Variants in PAN3 observed in about 807,000 individuals in gnomAD.
The protein encoded by PAN3 is PAN2-PAN3 deadenylation complex subunit PAN3.
Under a neutral mutation model 96.2 loss-of-function variants are expected in PAN3, and 19 were observed. That is an observed-to-expected ratio of 0.20 (90% CI 0.14 to 0.29). The LOEUF (loss-of-function observed/expected upper bound fraction) is 0.29. Ranked by LOEUF, PAN3 falls within the 10% of genes least tolerant of loss-of-function variation. The pLI, the probability that PAN3 is intolerant of heterozygous loss-of-function variation, is 1.00. For synonymous variants in PAN3, 433 were observed against 406.6 expected, an observed-to-expected ratio of 1.06 and a Z score of -0.78; for missense variants, 882 against 1,108.1, an observed-to-expected ratio of 0.80 and a Z score of 2.90.
intron 1 of PAN3, among the ~76,000 whole-genome samples, chr13:28,151,447 G>A (rs951659841): frequency 3.3e-5 from 5 of 151,932 alleles, no homozygotes; most frequent in African/African-American, 4.8e-5. Flanking sequence ...CCTGGGAGTC[G>A]GAGCTTGCAG....
intron 6 of PAN3, among the ~76,000 whole-genome samples, chr13:28,231,401 A>C (rs1882541704): frequency 6.6e-6 from 1 of 152,222 alleles, no homozygotes; most frequent in Admixed American, 6.5e-5. Context: ...GATAAAGCTC[A>C]GGTTAAATTC....
In PAN3 at chr13:28,234,233, C is replaced by G. The variant is rs577498889; in HGVS notation, c.1000+13855C>G. On this transcript the variant is annotated intron_variant, in intron 6 of 18. Coordinates refer to ENST00000380958, the MANE Select transcript of PAN3 (RefSeq NM_175854.8). ...ATTTTAAGAGGCAGGGTCTTGCTCTCTTTTCCAGGTTGGAATGCAGTGGAG... is the reference window on the plus strand; with the variant it reads ...ATTTTAAGAGGCAGGGTCTTGCTCTGTTTTCCAGGTTGGAATGCAGTGGAG... 1.2e-4 allele frequency among the ~76,000 whole-genome samples: 18 copies of G among 152,264 alleles called. No individual in the cohort carries two copies. In the South Asian group the frequency reaches 3.7e-3, roughly 32 times the overall value.
At chr13:28,183,474 C>T (rs540105758) in intron 4 of PAN3, among the ~76,000 whole-genome samples, 66 of 152,288 alleles carry the variant, frequency 4.3e-4, no homozygotes, top group African/African-American at 1.4e-3. Context: ...GAATGTGTGC[C>T]ATCTCAGCCT....
rs572039820 is a variant in PAN3 at position 28,274,012 on chromosome 13, C to G, written c.2049+1941C>G. Among the ~76,000 whole-genome samples the G allele has an allele frequency of 1.2e-3, 180 of 152,308 alleles. 1 individual carries two copies. Among genetic ancestry groups the G allele is most frequent in the African/African-American group, 4.3e-3 (179 of 41,570 alleles). Reference sequence around the variant, plus strand: ...GCTCGTAAACCACAGAGAATACAGTCCCAAAGACTTGCAGGCACTCATTGC... The same window carrying G: ...GCTCGTAAACCACAGAGAATACAGTGCCAAAGACTTGCAGGCACTCATTGC... On this transcript the variant is annotated intron_variant, in intron 14 of 18. Transcript: ENST00000380958.
intron 1 of PAN3, among the ~76,000 whole-genome samples, chr13:28,140,538 G>A (rs1378992247): frequency 6.6e-6 from 1 of 152,018 alleles, no homozygotes; most frequent in Non-Finnish European, 1.5e-5. Context: ...TATCTTCCCC[G>A]GGGTTTTGCT....
At chr13:28,259,355 G>A (rs1885488312) in intron 7 of PAN3, among the ~76,000 whole-genome samples, 1 of 150,762 alleles carries the variant, frequency 6.6e-6, no homozygotes, top group Non-Finnish European at 1.5e-5. Context: ...CACCCCAGCT[G>A]GAATGCGTTA....
chr13:28,200,671 C>T (rs1277135355), intron 5 of PAN3, among the ~76,000 whole-genome samples: 1 of 152,160 alleles, frequency 6.6e-6, no homozygotes, highest in African/African-American at 2.4e-5. Flanking sequence ...TTGAAAAATA[C>T]ATATGTGGAG....
intron 5 of PAN3, among the ~76,000 whole-genome samples, chr13:28,206,194 A>G (rs1373767172): frequency 6.6e-6 from 1 of 152,058 alleles, no homozygotes; most frequent in Admixed American, 6.6e-5. Flanking sequence ...AATTTGGGAA[A>G]TGGTTCCTAC....
At position 28,177,817 on chromosome 13, in the gene PAN3, G is replaced by A. The variant is rs188880945; in HGVS notation, c.620-48G>A. ...CAAATTAAACAGTTATTAGATTTGC[G>A]GGTTACCCAAGTTTTATGTGTGGAA... On this transcript the variant is annotated intron_variant, in intron 3 of 18. Coordinates refer to ENST00000380958, the MANE Select transcript of PAN3 (RefSeq NM_175854.8). The A allele has an allele frequency of 2.0e-4, 290 of 1,463,138 alleles. 2 individuals carry two copies. The East Asian group carries it at 5.7e-3, about 29-fold the overall frequency. The allele number at this position is 1,463,138 out of a possible 1,614,324, so 90.6% of individuals were successfully genotyped here. A position where few individuals can be genotyped will look rare whatever the true frequency, so the allele number is the denominator to read the frequency against.
chr13:28,280,355 C>A, intron 15 of PAN3, 57 bp from the exon 16 acceptor site: 1 of 1,543,254 alleles, frequency 6.5e-7, no homozygotes, highest in Non-Finnish European at 8.8e-7. Context: ...TTTGGGTTAT[C>A]TTGTTTTTTA....
chr13:28,194,447 TATGTATATATATATATATA>T (rs1877730389), intron 4 of PAN3, among the ~76,000 whole-genome samples: 1 of 115,086 alleles, frequency 8.7e-6, no homozygotes, highest in African/African-American at 4.1e-5. Flanking sequence ...CATATATATG[TATGTATATATATATATATA>T]TTTTTTTTTT....
intron 15 of PAN3, 119 bp downstream of exon 15, chr13:28,277,495 T>C (rs993340101): frequency 4.1e-6 from 4 of 984,964 alleles, no homozygotes; most frequent in Non-Finnish European, 6.0e-6. Flanking sequence ...ACAGAAACTT[T>C]ATGTCTTTAT....
chr13:28,276,553 G>C (rs926002651), intron 14 of PAN3, among the ~76,000 whole-genome samples: 13 of 152,174 alleles, frequency 8.5e-5, no homozygotes, highest in Admixed American at 5.2e-4. Flanking sequence ...AATCTTGAGT[G>C]GGAGAGGTTT....
At chr13:28,218,487 T>C (rs1259928514) in intron 5 of PAN3, among the ~76,000 whole-genome samples, 2 of 152,172 alleles carry the variant, frequency 1.3e-5, no homozygotes, top group Non-Finnish European at 2.9e-5. Flanking sequence ...AGATTCATTG[T>C]TGAGTAGGTT....
chr13:28,214,040 A>G (rs753785759), intron 5 of PAN3, among the ~76,000 whole-genome samples: 2 of 152,108 alleles, frequency 1.3e-5, no homozygotes, highest in Non-Finnish European at 2.9e-5. Context: ...GTGAGCAATG[A>G]TCTCTCCAGT....
chr13:28,217,842 G>GT (rs11384294), intron 5 of PAN3, among the ~76,000 whole-genome samples: 151,464 of 151,648 alleles, frequency 1, 75,641 homozygotes, highest in Middle Eastern at 1. Flanking sequence ...TAAAACTTTA[G>GT]TTTTTTTTAT....
intron 5 of PAN3, among the ~76,000 whole-genome samples, chr13:28,207,597 C>T (rs898201784): frequency 6.6e-6 from 1 of 152,036 alleles, no homozygotes; most frequent in African/African-American, 2.4e-5. Context: ...TTGATGTACC[C>T]TTCCTTCTGT....
rs1869106434 is a variant in PAN3, at chr13:28,138,606, T to TCCTCGGGC, written c.-52_-51insCCTCGGGC. On this transcript the variant is annotated 5_prime_UTR_variant, in exon 1 of 19. Coordinates refer to ENST00000380958, the MANE Select transcript of PAN3 (RefSeq NM_175854.8). ...TCCTTTCCTCCCCCGTCTATGGTGGTGGCGGCGGCGGCTCCTCGGGCGGCG... is the reference window on the plus strand; with the variant it reads ...TCCTTTCCTCCCCCGTCTATGGTGGTCCTCGGGCGGCGGCGGCGGCTCCTCGGGCGGCG... 9 of 471,422 alleles carry TCCTCGGGC rather than the reference T, an allele frequency of 1.9e-5. No homozygotes were observed. In the Admixed American group the frequency reaches 2.2e-4, roughly 11 times the overall value. The allele number at this position is 471,422 out of a possible 1,614,324, so 29.2% of individuals were successfully genotyped here.
At chr13:28,185,425 G>A (rs1405553440) in intron 4 of PAN3, among the ~76,000 whole-genome samples, 1 of 152,108 alleles carries the variant, frequency 6.6e-6, no homozygotes, top group Admixed American at 6.6e-5. Context: ...ATTAAATTTT[G>A]TTTTAACAAG....
Sources: allele counts gnomAD v4.1 joint callset (sites outside exome capture counted in the v4.1 genomes callset), GRCh38; gene constraint gnomAD v4.1.1; transcripts MANE v1.5; gene names NCBI Gene and HGNC (gene_info 2026-07-23, HGNC 2026-07-21).